Variants in SUGP1 observed in about 807,000 individuals in gnomAD.
SUGP1 encodes the protein SURP and G-patch domain containing 1.
Under a neutral mutation model 76.5 loss-of-function variants are expected in SUGP1, and 34 were observed. The ratio of observed to expected loss-of-function variants is 0.44; its 90% CI spans 0.34 to 0.59. The LOEUF is 0.59. SUGP1 is among the 20% of genes least tolerant of loss of function. SUGP1 has a pLI of 0.01. For missense variants in SUGP1, 752 were observed against 851.7 expected (o/e 0.88, Z 1.46); for synonymous variants, 326 against 326.2 (o/e 1.00, Z 0.01).
chr19:19,285,310 A>T (rs1052101929), intron 8 of SUGP1, among the ~76,000 whole-genome samples: 1 of 151,820 alleles, frequency 6.6e-6, no homozygotes, highest in African/African-American at 2.4e-5. Flanking sequence ...GGATTACAGG[A>T]GCCTGCCACT....
intron 1 of SUGP1, among the ~76,000 whole-genome samples, chr19:19,319,726 A>G (rs183962400): frequency 0.023 from 3,404 of 146,808 alleles, 134 homozygotes; most frequent in African/African-American, 0.081. Flanking sequence ...AAAAAAAAAA[A>G]AAAGAAAGAA....
At chr19:19,298,285 G>A (rs987512281) in intron 7 of SUGP1, among the ~76,000 whole-genome samples, 11 of 152,150 alleles carry the variant, frequency 7.2e-5, no homozygotes, top group Non-Finnish European at 1.0e-4. Context: ...ATCACCTGAG[G>A]TCAGGAGTTC....
intron 8 of SUGP1, among the ~76,000 whole-genome samples, chr19:19,281,704 GGAGT>G (rs2061100312): frequency 6.6e-6 from 1 of 152,232 alleles, no homozygotes; most frequent in African/African-American, 2.4e-5. Context: ...CAGTGAAGGT[GGAGT>G]GAGGGGGTGA....
rs1299445498 is a variant in SUGP1, at chr19:19,277,073, G to A, written c.1785C>T (p.Gly595=). 6.2e-7 allele frequency: 1 copy of A among 1,609,128 alleles called. No homozygotes were observed. The highest frequency in any genetic ancestry group is 1.3e-5 in the African/African-American group (1 of 74,916). Residue 595 remains glycine, a synonymous_variant, in exon 13 of 14, where the codon GGC becomes GGT. Coordinates refer to ENST00000247001, the MANE Select transcript of SUGP1 (RefSeq NM_172231.4). The part of the protein sequence containing the change: ...GQGIKNPVNK[G]TTTVDGAGFG... The stretch of plus-strand genomic sequence containing the variant: ...AGCCAGCGCCGTCCACTGTGGTGGT[G>A]CCCCTACAGGGAGAAGAGGATGTGA...
At chr19:19,303,646 A>G in intron 5 of SUGP1, 78 bp downstream of exon 5, 1 of 1,565,906 alleles carries the variant, frequency 6.4e-7, no homozygotes, top group Non-Finnish European at 8.8e-7. Flanking sequence ...CCACACTAGC[A>G]AGCACCCAGC....
intron 8 of SUGP1, among the ~76,000 whole-genome samples, chr19:19,293,564 G>A (rs932136346): frequency 2.1e-5 from 3 of 139,660 alleles, no homozygotes; most frequent in African/African-American, 8.7e-5. Flanking sequence ...GCACATCAGA[G>A]AAAGACTCTG....
chr19:19,289,372 C>A (rs1317287697), intron 8 of SUGP1, among the ~76,000 whole-genome samples: 1 of 151,762 alleles, frequency 6.6e-6, no homozygotes, highest in South Asian at 2.1e-4. Flanking sequence ...GAGGCCGAGG[C>A]GGGGAGATTA....
chr19:19,317,078 C>T (rs561020276), intron 1 of SUGP1, among the ~76,000 whole-genome samples: 6 of 149,914 alleles, frequency 4.0e-5, no homozygotes, highest in African/African-American at 1.5e-4. Flanking sequence ...GTGAAGGTTG[C>T]AGTGAGCCGA....
chr19:19,309,906 C>T (rs561091211), intron 3 of SUGP1, among the ~76,000 whole-genome samples, 191 bp downstream of exon 3: 9 of 151,952 alleles, frequency 5.9e-5, no homozygotes, highest in African/African-American at 1.4e-4. Context: ...AGCGAGACTC[C>T]GTCTCAAAAA....
At chr19:19,292,495 A>T (rs1599853893) in intron 8 of SUGP1, among the ~76,000 whole-genome samples, 1 of 151,456 alleles carries the variant, frequency 6.6e-6, no homozygotes, top group Non-Finnish European at 1.5e-5. Context: ...TGAGGCCAGG[A>T]GTTCAAGACC....
intron 8 of SUGP1, among the ~76,000 whole-genome samples, chr19:19,292,521 G>A (rs748124367): frequency 6.5e-4 from 99 of 152,006 alleles, no homozygotes; most frequent in Non-Finnish European, 1.1e-3. Context: ...GGCCAACATG[G>A]TGAAACCCTG....
rs552434494 is a variant in SUGP1, at chr19:19,297,303, C to G, written c.929G>C (p.Arg310Pro). 1 of 1,540,174 alleles carries G rather than the reference C, an allele frequency of 6.5e-7. No homozygotes were observed. The change falls in exon 8 of 14, where the codon CGA becomes CCA. Residue 310 changes from arginine to proline, a missense_variant. Arg to Pro is a moderately radical substitution (Grantham distance 103). This residue lies in a region of SUGP1 where 620 missense variants were observed against 617.3 expected (regional missense o/e 1.00). Coordinates refer to ENST00000247001, the MANE Select transcript of SUGP1 (RefSeq NM_172231.4). The part of the protein sequence containing the change: ...EPNSQGYKYY[R>P]QKLEEFRKAK... ...TTTCCGGAACTCCTCCAGCTTCTGT[C>G]GGTAGTACTTGTACCCTTGGCTATT... is the stretch of plus-strand genomic sequence containing the variant.
rs1167541732 is a variant in SUGP1, at chr19:19,296,651, AAAAAAAG to A, written c.1243+331_1243+337del. Among the ~76,000 whole-genome samples the A allele has an allele frequency of 4.4e-3, 676 of 152,030 alleles. 9 individuals carry two copies. Among genetic ancestry groups the A allele is most frequent in the Non-Finnish European group, 3.6e-3 (246 of 67,990 alleles). On this transcript the variant is annotated intron_variant, in intron 8 of 13. Transcript: ENST00000247001. ...AACAGAGCGAGACTCTGTCTCAAAA[AAAAAAAG>A]AAAAAAGAAAAAAGAAAAAAAAGGC...
intron 8 of SUGP1, among the ~76,000 whole-genome samples, chr19:19,288,480 A>C (rs750013306): frequency 1.1e-4 from 17 of 152,192 alleles, no homozygotes; most frequent in Non-Finnish European, 2.2e-4. Context: ...GTAGGCTATT[A>C]GTAGTTAAGT....
rs1663520769 is a variant in SUGP1, at chr19:19,310,304, C to T, written c.207-104G>A. 5 of 839,630 alleles carry T rather than the reference C, an allele frequency of 6.0e-6. No individual in the cohort carries two copies. The Admixed American group carries it at 9.6e-5, about 16-fold the overall frequency. 52.0% of individuals were successfully genotyped at this position (839,630 alleles called of 1,614,324 possible). On this transcript the variant is annotated intron_variant, in intron 2 of 13. Coordinates refer to ENST00000247001, the MANE Select transcript of SUGP1 (RefSeq NM_172231.4). ...AGGCCATCACCTCGTCCATCATGGCCCCTAACTCACCCCAGCACTCTCACC... is the reference window on the plus strand; with the variant it reads ...AGGCCATCACCTCGTCCATCATGGCTCCTAACTCACCCCAGCACTCTCACC...
chr19:19,299,624 C>A (rs1464978061), intron 7 of SUGP1, among the ~76,000 whole-genome samples: 1 of 151,196 alleles, frequency 6.6e-6, no homozygotes, highest in African/African-American at 2.4e-5. Context: ...CCTCGTGATC[C>A]ACCCCGCTCA....
chr19:19,284,883 T>G (rs1239014607), intron 8 of SUGP1, among the ~76,000 whole-genome samples: 1 of 151,950 alleles, frequency 6.6e-6, no homozygotes, highest in Non-Finnish European at 1.5e-5. Context: ...TTGTTTTTTT[T>G]TTTTTTTTTA....
chr19:19,316,245 AC>A (rs1425753828), intron 2 of SUGP1, 176 bp downstream of exon 2: 34 of 749,182 alleles, frequency 4.5e-5, no homozygotes, highest in Admixed American at 5.9e-5. Flanking sequence ...GCTTCCACAT[AC>A]CCCTCATTTC....
chr19:19,302,206 C>T (rs1340796049), intron 7 of SUGP1, 59 bp downstream of exon 7: 1 of 1,604,130 alleles, frequency 6.2e-7, no homozygotes, highest in Non-Finnish European at 8.5e-7. Context: ...CCAGTGTCCT[C>T]CCCTGCAGGG....
Sources: allele counts gnomAD v4.1 joint callset (sites outside exome capture counted in the v4.1 genomes callset), GRCh38; gene constraint gnomAD v4.1.1; regional missense constraint gnomAD v4.1.1; transcripts MANE v1.5; gene names NCBI Gene and HGNC (gene_info 2026-07-23, HGNC 2026-07-21).